The following LDLRAD4 variants were observed in gnomAD, a reference collection of about 807,000 sequenced individuals.
LDLRAD4 encodes low-density lipoprotein receptor class A domain-containing protein 4.
LDLRAD4 carries 5 observed loss-of-function variants against 17.0 expected under a neutral mutation model. The observed-to-expected ratio is 0.29, with a 90% CI of 0.15 to 0.62. The LOEUF (loss-of-function observed/expected upper bound fraction) is 0.62. LDLRAD4 is among the 20% of genes least tolerant of loss of function. The probability of loss-of-function intolerance (pLI) is 0.84; values close to 1 mark genes in which losing one functional copy is unlikely to be tolerated. For synonymous variants in LDLRAD4, 168 were observed against 171.8 expected, an observed-to-expected ratio of 0.98 and a Z score of 0.17; for missense variants, 340 against 424.7, an observed-to-expected ratio of 0.80 and a Z score of 1.75.
intron 3 of LDLRAD4, among the ~76,000 whole-genome samples, chr18:13,477,876 C>T (rs1600674416): frequency 6.6e-6 from 1 of 152,218 alleles, no homozygotes; most frequent in African/African-American, 2.4e-5. Context: ...AAAAATCCAG[C>T]AGGCACATCT....
chr18:13,248,229 G>A (rs1264978158), intron 1 of LDLRAD4, among the ~76,000 whole-genome samples: 1 of 152,216 alleles, frequency 6.6e-6, no homozygotes, highest in Non-Finnish European at 1.5e-5. Context: ...CCAAAGTGCT[G>A]GGACTACAGG....
chr18:13,403,939 C>T (rs1432544522), intron 2 of LDLRAD4, among the ~76,000 whole-genome samples: 2 of 152,202 alleles, frequency 1.3e-5, no homozygotes, highest in Non-Finnish European at 2.9e-5. Context: ...CGCCCTGTCC[C>T]GGGGAGGCAC....
intron 3 of LDLRAD4, among the ~76,000 whole-genome samples, chr18:13,547,932 G>A (rs2094387865): frequency 6.6e-6 from 1 of 152,198 alleles, no homozygotes; most frequent in African/African-American, 2.4e-5. Flanking sequence ...CCACCATTCA[G>A]TAGGTCCTGA....
At chr18:13,559,959 A>G (rs762452873) in intron 3 of LDLRAD4, among the ~76,000 whole-genome samples, 15 of 152,190 alleles carry the variant, frequency 9.9e-5, no homozygotes, top group East Asian at 1.9e-4. Flanking sequence ...CTGCCGTTGC[A>G]TAATCAACAG....
chr18:13,571,675 T>G (rs141241574), intron 3 of LDLRAD4, among the ~76,000 whole-genome samples: 2 of 152,218 alleles, frequency 1.3e-5, no homozygotes, highest in Non-Finnish European at 2.9e-5. Context: ...CTCGCTCTGT[T>G]GCCCAGGCTG....
At chr18:13,633,101 C>T (rs1347323347) in intron 4 of LDLRAD4, among the ~76,000 whole-genome samples, 1 of 152,240 alleles carries the variant, frequency 6.6e-6, no homozygotes, top group Non-Finnish European at 1.5e-5. Flanking sequence ...TTTCCTCAGG[C>T]AGGTCATGCC....
chr18:13,645,863 G>GCAAA lies in LDLRAD4; in HGVS notation c.*209_*212dup, dbSNP rs1210172693. On this transcript the variant is annotated 3_prime_UTR_variant, in exon 6 of 6. Transcript: ENST00000359446. The surrounding 1 kb of genome is among the most constrained non-coding windows in gnomAD (Gnocchi z 5.7). The stretch of plus-strand genomic sequence containing the variant: ...ATACAAACTTCCATCTGGTCTGACC[G>GCAAA]CAAACAGTGTTTATTTGGGGACAGG... 7.2e-6 allele frequency: 3 copies of GCAAA among 415,058 alleles called. No individual in the cohort carries two copies. The highest frequency in any genetic ancestry group is 6.1e-5 in the African/African-American group (3 of 48,974). The allele number at this position is 415,058 out of a possible 1,614,324, so 25.7% of individuals were successfully genotyped here. A position where few individuals can be genotyped will look rare whatever the true frequency, so the allele number is the denominator to read the frequency against.
chr18:13,309,384 T>A (rs1222560398), intron 1 of LDLRAD4, among the ~76,000 whole-genome samples: 1 of 152,150 alleles, frequency 6.6e-6, no homozygotes, highest in Non-Finnish European at 1.5e-5. Flanking sequence ...CCCAAATAGG[T>A]TGTTTTCTGT....
chr18:13,641,724 C>A, intron 4 of LDLRAD4: 1 of 979,306 alleles, frequency 1.0e-6, no homozygotes, highest in Non-Finnish European at 1.2e-6. Flanking sequence ...GCGTGGGGTG[C>A]GGCAAGGGGA....
intron 3 of LDLRAD4, among the ~76,000 whole-genome samples, chr18:13,618,314 G>A (rs1224176579): frequency 6.6e-6 from 1 of 152,236 alleles, no homozygotes; most frequent in Non-Finnish European, 1.5e-5. Flanking sequence ...ACGGAGTGGG[G>A]CTTGGTGGAG....
Position 13,349,071 on chromosome 18 carries a change from CCCCACTGTCCTGCA to C in LDLRAD4, c.-382-38259_-382-38246del, listed in dbSNP as rs1277912794. ...CTTTGGCTCACGCTCGGTGCGCTGC[CCCCACTGTCCTGCA>C]CCCACTGTCCGACAATCCCCAGTGA... On this transcript the variant is annotated intron_variant, in intron 1 of 5. Coordinates refer to ENST00000359446, the Ensembl canonical transcript of LDLRAD4. Among the ~76,000 whole-genome samples, 3 of 152,322 alleles carry C rather than the reference CCCCACTGTCCTGCA, an allele frequency of 2.0e-5. No individual in the cohort carries two copies. In the East Asian group the frequency reaches 5.8e-4, roughly 29 times the overall value.
chr18:13,609,518 CGTGTGTGTGTGCGTGT>C (rs2039284555), intron 3 of LDLRAD4, among the ~76,000 whole-genome samples: 2 of 117,410 alleles, frequency 1.7e-5, no homozygotes, highest in African/African-American at 3.2e-5. Context: ...GCTCATTATG[CGTGTGTGTGTGCGTGT>C]GTGTGTGTGT....
intron 3 of LDLRAD4, among the ~76,000 whole-genome samples, chr18:13,586,364 G>T (rs575616903): frequency 2.5e-4 from 32 of 129,252 alleles, no homozygotes; most frequent in Non-Finnish European, 3.9e-4. Context: ...TTGAGGTCGT[G>T]CCACTGCACT....
intron 3 of LDLRAD4, among the ~76,000 whole-genome samples, chr18:13,597,392 CTT>C (rs2148601247): frequency 6.6e-6 from 1 of 152,222 alleles, no homozygotes; most frequent in Non-Finnish European, 1.5e-5. Flanking sequence ...TTTTTGGTCT[CTT>C]TGAATTTATC....
chr18:13,325,078 C>G (rs1416843408), intron 1 of LDLRAD4, among the ~76,000 whole-genome samples: 6 of 152,190 alleles, frequency 3.9e-5, no homozygotes, highest in African/African-American at 1.4e-4. Flanking sequence ...TGTCTTTGTG[C>G]CATGCCTGCC....
At chr18:13,273,767 C>T (rs117940978), upstream of LDLRAD4, among the ~76,000 whole-genome samples, 275 of 152,318 alleles carry the variant, frequency 1.8e-3, no homozygotes, top group Admixed American at 2.4e-3. Context: ...AGAATAAGCG[C>T]GCCTGCTTCC....
chr18:13,348,520 G>A (rs754375638), intron 1 of LDLRAD4, among the ~76,000 whole-genome samples: 1 of 152,198 alleles, frequency 6.6e-6, no homozygotes, highest in Non-Finnish European at 1.5e-5. Flanking sequence ...TTGGCGGTCA[G>A]GGATCCACTT....
At chr18:13,383,259 G>T (rs543945561) in intron 1 of LDLRAD4, among the ~76,000 whole-genome samples, 1 of 152,328 alleles carries the variant, frequency 6.6e-6, no homozygotes, top group African/African-American at 2.4e-5. Context: ...GTATTTACTG[G>T]GCACCTGCTG....
rs114305477 is a variant in LDLRAD4 at position 13,392,523 on chromosome 18, C to T, written c.40+4761C>T. On this transcript the variant is annotated intron_variant, in intron 2 of 5. Coordinates refer to ENST00000359446, the Ensembl canonical transcript of LDLRAD4. ...AGAGGGAAGCAGGGACCCTTCCGGG[C>T]TGGGTCCGCCGGCCTCTGTCCCAGG... Among the ~76,000 whole-genome samples, 468 of 152,346 alleles carry T rather than the reference C, an allele frequency of 3.1e-3. 3 individuals are homozygous for T. The highest frequency in any genetic ancestry group is 0.011 in the African/African-American group (444 of 41,580).
Sources: allele counts gnomAD v4.1 joint callset (sites outside exome capture counted in the v4.1 genomes callset), GRCh38; gene constraint gnomAD v4.1.1; non-coding constraint Gnocchi (gnomAD v3.1); transcripts MANE v1.5; gene names NCBI Gene and HGNC (gene_info 2026-07-23, HGNC 2026-07-21).